ABHD14B: variants seen among roughly 807,000 people sequenced by gnomAD.
The protein encoded by ABHD14B is abhydrolase domain containing 14B, also known as putative protein-lysine deacylase ABHD14B.
A neutral mutation model predicts 15.4 loss-of-function variants in ABHD14B; 19 were observed. The ratio of observed to expected loss-of-function variants is 1.23; its 90% CI spans 0.86 to 1.81. The LOEUF is 1.81. ABHD14B is among the 40% of genes most tolerant of loss of function. ABHD14B has a pLI of 0.00. For missense variants in ABHD14B, 243 were observed against 267.0 expected (o/e 0.91, Z 0.63); for synonymous variants, 92 against 117.3 (o/e 0.78, Z 1.39).
intron 3 of ABHD14B, 45 bp downstream of exon 3, chr3:51,969,898 T>A: frequency 6.2e-7 from 1 of 1,614,082 alleles, no homozygotes; most frequent in Non-Finnish European, 8.5e-7. Flanking sequence ...GATGCACCCT[T>A]CCTTGCTCCT....
intron 2 of ABHD14B, 33 bp from the exon 3 acceptor site, chr3:51,970,217 A>G (rs868750736): frequency 6.6e-7 from 1 of 1,516,768 alleles, no homozygotes; most frequent in Middle Eastern, 2.3e-4. Context: ...GAGACAAGAC[A>G]AGGGCAGTGA....
chr3:51,973,077 G>A (rs1395607968), intron 1 of ABHD14B, among the ~76,000 whole-genome samples: 2 of 138,534 alleles, frequency 1.4e-5, no homozygotes, highest in East Asian at 2.1e-4. Flanking sequence ...ACGGAGTCTC[G>A]CTCTGTCGCC....
chr3:51,969,745 A>T (rs1700616948), intron 3 of ABHD14B, 140 bp from the exon 4 acceptor site: 2 of 1,395,860 alleles, frequency 1.4e-6, no homozygotes, highest in Middle Eastern at 1.8e-4. Flanking sequence ...GGGGGCACAG[A>T]TTGGTGTCTG....
chr3:51,973,788 G>T, intron 1 of ABHD14B, 177 bp downstream of exon 1: 3 of 1,270,316 alleles, frequency 2.4e-6, no homozygotes, highest in Non-Finnish European at 3.1e-6. Context: ...TGACCTCGCG[G>T]TCAGGTTGCT....
In ABHD14B at chr3:51,968,613, T is replaced by A. The variant is rs1020824588; in HGVS notation, c.*813A>T. ...CTTGGCTGAGATGCCTCAGGCCTGG[T>A]AACCTGAGGTGTAGAGCACCCAGAA... On this transcript the variant is annotated 3_prime_UTR_variant, in exon 4 of 4. Transcript: ENST00000361143. 2 of 148,814 alleles carry A rather than the reference T, an allele frequency of 1.3e-5. No homozygotes were observed. The highest frequency in any genetic ancestry group is 3.8e-4 in the East Asian group (2 of 5,196). 9.2% of individuals were successfully genotyped at this position (148,814 alleles called of 1,614,324 possible).
chr3:51,969,818 G>C, intron 3 of ABHD14B, 125 bp downstream of exon 3: 1 of 1,551,378 alleles, frequency 6.4e-7, no homozygotes, highest in Non-Finnish European at 8.9e-7. Context: ...CAAAAGGGTG[G>C]AGTTGGGTGG....
At chr3:51,970,499 C>A in intron 2 of ABHD14B, 1 of 582,816 alleles carries the variant, frequency 1.7e-6, no homozygotes, top group South Asian at 1.5e-5. Flanking sequence ...TTGGGTAGGT[C>A]CCCCTCAGTC....
chr3:51,973,077 G>C (rs1395607968), intron 1 of ABHD14B, among the ~76,000 whole-genome samples: 1 of 138,534 alleles, frequency 7.2e-6, no homozygotes, highest in Non-Finnish European at 1.5e-5. Context: ...ACGGAGTCTC[G>C]CTCTGTCGCC....
chr3:51,971,430 A>G lies in ABHD14B; in HGVS notation c.211+30T>C, dbSNP rs201425968. The G allele has an allele frequency of 2.0e-6, 3 of 1,525,132 alleles. No individual in the cohort carries two copies. In the African/African-American group the frequency reaches 4.1e-5, roughly 21 times the overall value. The allele number at this position is 1,525,132 out of a possible 1,614,324, so 94.5% of individuals were successfully genotyped here. ...CCTGTCCCTAATGAGACCTCCCCAA[A>G]CCCTGCCCAGAAGCCTGCCCCTTAA... On this transcript the variant is annotated intron_variant, in intron 2 of 3. Coordinates refer to ENST00000361143, the MANE Select transcript of ABHD14B (RefSeq NM_001146314.2).
chr3:51,969,700 C>A, intron 3 of ABHD14B, 95 bp from the exon 4 acceptor site: 1 of 1,489,398 alleles, frequency 6.7e-7, no homozygotes, highest in Non-Finnish European at 9.2e-7. Context: ...GGGACCACCC[C>A]ATATGAGGGA....
upstream of ABHD14B, chr3:51,974,164 G>A (rs1700731071): frequency 5.0e-6 from 4 of 797,702 alleles, no homozygotes; most frequent in South Asian, 3.3e-5. Flanking sequence ...AGCGGCGTCA[G>A]TTTCCCAAAG....
chr3:51,970,507 G>A (rs539346615), intron 2 of ABHD14B: 9 of 577,902 alleles, frequency 1.6e-5, no homozygotes, highest in South Asian at 1.4e-4. Context: ...GTCCCCCTCA[G>A]TCCTCTCTCA....
intron 1 of ABHD14B, chr3:51,973,541 G>A (rs770113073): frequency 4.6e-5 from 6 of 130,098 alleles, no homozygotes; most frequent in Non-Finnish European, 8.7e-5. Flanking sequence ...TTTAAGAGAA[G>A]ATGTCTCGCT....
In ABHD14B at chr3:51,969,125, G is replaced by T. The variant is rs953980410; in HGVS notation, c.*301C>A. The T allele has an allele frequency of 3.3e-5, 9 of 275,452 alleles. No homozygotes were observed. The highest frequency in any genetic ancestry group is 6.7e-5 in the African/African-American group (3 of 45,094). 17.1% of individuals were successfully genotyped at this position (275,452 alleles called of 1,614,324 possible). ...GAGGGAAAGGCTGGGCAGAGCAGGG[G>T]AAGGAGTGAAAGCCAGGCAGGAAAG... On this transcript the variant is annotated 3_prime_UTR_variant, in exon 4 of 4. Coordinates refer to ENST00000361143, the MANE Select transcript of ABHD14B (RefSeq NM_001146314.2).
At position 51,970,207 on chromosome 3, in the gene ABHD14B, GAGACA is replaced by G. The variant is rs749874895; in HGVS notation, c.212-28_212-24del. On this transcript the variant is annotated intron_variant, in intron 2 of 3. Coordinates refer to ENST00000361143, the MANE Select transcript of ABHD14B (RefSeq NM_001146314.2). The stretch of plus-strand genomic sequence containing the variant: ...GACCTGCAGGGATTCAGGTGTGAAA[GAGACA>G]AGACAAGGGCAGTGAATGGCAAAAC... The G allele has an allele frequency of 7.9e-6, 12 of 1,518,782 alleles. No homozygotes were observed. In the Admixed American group the frequency reaches 1.8e-4, roughly 23 times the overall value. The allele number at this position is 1,518,782 out of a possible 1,614,324, so 94.1% of individuals were successfully genotyped here. A position where few individuals can be genotyped will look rare whatever the true frequency, so the allele number is the denominator to read the frequency against.
At chr3:51,970,899 G>A (rs1019939979) in intron 2 of ABHD14B, 2 of 452,776 alleles carry the variant, frequency 4.4e-6, no homozygotes, top group Non-Finnish European at 8.9e-6. Context: ...GGCAGTCTGG[G>A]CACTGATCCC....
chr3:51,973,937 G>T, intron 1 of ABHD14B, 28 bp downstream of exon 1: 2 of 1,289,812 alleles, frequency 1.6e-6, no homozygotes, highest in Non-Finnish European at 2.0e-6. Context: ...CTGGAGAGAA[G>T]AAAGGGTCAG....
intron 2 of ABHD14B, chr3:51,970,564 GC>G: frequency 2.0e-6 from 1 of 492,930 alleles, no homozygotes; most frequent in Non-Finnish European, 4.0e-6. Context: ...AAAAGTATCT[GC>G]CATTTAAGAT....
chr3:51,970,073 A>T lies in ABHD14B; in HGVS notation c.323T>A (p.Ile108Asn). ...GTACATGCCACTCAGTGATGGACTG[A>T]TCACAACCGGGGGGCCCAGCTCCAA... ...DALELGPPVV[I>N]SPSLSGMYSL... is the part of the protein sequence containing the mutation. Residue 108 changes from isoleucine (I) to asparagine (N), a missense_variant, in exon 3 of 4, where the codon ATC (isoleucine) becomes AAC (asparagine). By Grantham distance (149) the Ile-to-Asn change is moderately radical. Transcript: ENST00000361143. 6.2e-7 allele frequency: 1 copy of T among 1,610,662 alleles called. No individual in the cohort carries two copies. The highest frequency in any genetic ancestry group is 8.5e-7 in the Non-Finnish European group (1 of 1,177,916).
Sources: gnomAD v4.1 joint callset for allele counts (sites outside exome capture counted in the v4.1 genomes callset) on GRCh38, gnomAD v4.1.1 for gene constraint, MANE v1.5 for transcripts, NCBI Gene and HGNC (gene_info 2026-07-23, HGNC 2026-07-21) for gene names.